M1AP: variants seen among roughly 807,000 people sequenced by gnomAD.
The protein encoded by M1AP is meiosis 1 arrest protein.
In M1AP, 39 loss-of-function variants were observed where a neutral mutation model predicts 51.2. The observed-to-expected ratio is 0.76, with a 90% CI of 0.59 to 1.00. The LOEUF is 1.00. Among genes scored for constraint, M1AP ranks in the 50% least tolerant of loss-of-function variants. The probability of loss-of-function intolerance (pLI) is 0.00; values close to 1 mark genes in which losing one functional copy is unlikely to be tolerated. For synonymous variants in M1AP, 251 were observed against 249.2 expected, an observed-to-expected ratio of 1.01 and a Z score of -0.07; for missense variants, 545 against 641.2, an observed-to-expected ratio of 0.85 and a Z score of 1.62.
chr2:74,569,909 C>CGTGT lies in M1AP; in HGVS notation c.1074+5525_1074+5528dup, dbSNP rs145070644. 9.6e-3 allele frequency among the ~76,000 whole-genome samples: 1,376 copies of CGTGT among 143,340 alleles called. 24 individuals are homozygous for CGTGT. Among genetic ancestry groups the CGTGT allele is most frequent in the East Asian group, 0.081 (401 of 4,930 alleles). 94.0% of individuals were successfully genotyped at this position (143,340 alleles called of 152,430 possible). On this transcript the variant is annotated intron_variant, in intron 7 of 10. Transcript: ENST00000421985. ...GTGTGTGTATGTGTGTGTGTGCATGCGTGTGTGTGTGTGTGTGTGTGTGTG... is the reference window on the plus strand; with the variant it reads ...GTGTGTGTATGTGTGTGTGTGCATGCGTGTGTGTGTGTGTGTGTGTGTGTGTGTG...
Position 74,620,885 on chromosome 2 carries a change from G to T in M1AP, c.241-5736C>A. Reference sequence around the variant, plus strand: ...TGCTTCTGAAGCCAGTCAGTGCCTTGAGAATCACTTCCGCGGCAACATGCT... The same window carrying T: ...TGCTTCTGAAGCCAGTCAGTGCCTTTAGAATCACTTCCGCGGCAACATGCT... On this transcript the variant is annotated intron_variant, in intron 2 of 10. Coordinates refer to ENST00000421985, the MANE Select transcript of M1AP (RefSeq NM_001321739.2). 1.7e-5 allele frequency: 3 copies of T among 177,530 alleles called. No homozygotes were observed. In the South Asian group the frequency reaches 4.0e-4, roughly 24 times the overall value. 11.0% of individuals were successfully genotyped at this position (177,530 alleles called of 1,614,324 possible). A position where few individuals can be genotyped will look rare whatever the true frequency, so the allele number is the denominator to read the frequency against.
At chr2:74,626,257 G>GTTTTTTT (rs1337799000) in intron 2 of M1AP, among the ~76,000 whole-genome samples, 2 of 125,930 alleles carry the variant, frequency 1.6e-5, no homozygotes, top group Non-Finnish European at 1.7e-5. Flanking sequence ...CTATATTTCA[G>GTTTTTTT]TTTTTTTTTT....
chr2:74,596,538 C>T (rs562892306), intron 4 of M1AP, among the ~76,000 whole-genome samples: 29 of 152,164 alleles, frequency 1.9e-4, no homozygotes, highest in African/African-American at 6.0e-4. Context: ...GCCGAGATCA[C>T]GCCACTGCAC....
intron 4 of M1AP, among the ~76,000 whole-genome samples, chr2:74,599,738 T>A (rs1423708830): frequency 6.6e-6 from 1 of 152,092 alleles, no homozygotes; most frequent in Admixed American, 6.5e-5. Flanking sequence ...ATACATATAT[T>A]CTAGAATATA....
intron 7 of M1AP, among the ~76,000 whole-genome samples, chr2:74,563,374 G>A (rs1678161939): frequency 6.6e-6 from 1 of 152,022 alleles, no homozygotes; most frequent in South Asian, 2.1e-4. Flanking sequence ...TGAGGCGGGT[G>A]GATCACCTGA....
At chr2:74,560,062 T>G in intron 9 of M1AP, 89 bp downstream of exon 9, 7 of 1,408,710 alleles carry the variant, frequency 5.0e-6, no homozygotes, top group Non-Finnish European at 6.8e-6. Flanking sequence ...GGGGCGGTGT[T>G]GGGATGGGGG....
At chr2:74,634,048 A>G (rs1682840825) in intron 2 of M1AP, among the ~76,000 whole-genome samples, 1 of 152,238 alleles carries the variant, frequency 6.6e-6, no homozygotes, top group Non-Finnish European at 1.5e-5. Context: ...AAAGATAACA[A>G]TAGATTTTAA....
intron 1 of M1AP, among the ~76,000 whole-genome samples, chr2:74,644,502 C>T (rs1015931649): frequency 5.3e-5 from 8 of 150,390 alleles, no homozygotes; most frequent in African/African-American, 2.0e-4. Context: ...CGCGCCATTG[C>T]ACTCCAGCCT....
At position 74,604,631 on chromosome 2, in the gene M1AP, G is replaced by C. The variant is rs80029362; in HGVS notation, c.595+2424C>G. Among the ~76,000 whole-genome samples the C allele has an allele frequency of 2.9e-3, 435 of 152,232 alleles. 1 individual carries two copies. The highest frequency in any genetic ancestry group is 9.8e-3 in the African/African-American group (407 of 41,528). Reference sequence around the variant, plus strand: ...CTGTGTGATCACCAGTTCCTAACAGGCCACAGATGGTACCAGTCCATGGCC... The same window carrying C: ...CTGTGTGATCACCAGTTCCTAACAGCCCACAGATGGTACCAGTCCATGGCC... On this transcript the variant is annotated intron_variant, in intron 4 of 10. Coordinates refer to ENST00000421985, the MANE Select transcript of M1AP (RefSeq NM_001321739.2).
At chr2:74,627,639 G>C (rs1682478453) in intron 2 of M1AP, among the ~76,000 whole-genome samples, 1 of 152,068 alleles carries the variant, frequency 6.6e-6, no homozygotes, top group African/African-American at 2.4e-5. Context: ...AAAATAAATA[G>C]AACAGCAGGA....
chr2:74,619,682 A>C (rs189777066), intron 2 of M1AP, among the ~76,000 whole-genome samples: 2 of 152,354 alleles, frequency 1.3e-5, no homozygotes, highest in East Asian at 3.9e-4. Context: ...AGATACATAA[A>C]TATTTATCAT....
intron 4 of M1AP, among the ~76,000 whole-genome samples, chr2:74,599,177 G>A (rs941831674): frequency 5.3e-5 from 8 of 152,034 alleles, no homozygotes; most frequent in Non-Finnish European, 1.2e-4. Context: ...TAGTTGGGAG[G>A]CTGAGGCATG....
intron 3 of M1AP, among the ~76,000 whole-genome samples, chr2:74,612,170 T>C (rs1437628761): frequency 2.0e-5 from 3 of 151,788 alleles, no homozygotes; most frequent in African/African-American, 7.3e-5. Context: ...GGATTACAGG[T>C]GTGAGCCACT....
At chr2:74,647,410 G>C (rs1683673308) in intron 1 of M1AP, 2 of 985,056 alleles carry the variant, frequency 2.0e-6, no homozygotes, top group Non-Finnish European at 2.4e-6. Flanking sequence ...TCTCCCTCTG[G>C]CAGGGCCCTA....
intron 3 of M1AP, among the ~76,000 whole-genome samples, chr2:74,609,742 T>C (rs1469581201): frequency 6.6e-6 from 1 of 152,244 alleles, no homozygotes; most frequent in Non-Finnish European, 1.5e-5. Context: ...ATCTTTTATA[T>C]AGTAGCCATT....
intron 2 of M1AP, among the ~76,000 whole-genome samples, chr2:74,626,009 A>G (rs535808737): frequency 9.3e-4 from 141 of 152,310 alleles, no homozygotes; most frequent in African/African-American, 3.3e-3. Context: ...ATCACTGGAG[A>G]GTAGCTTCCT....
At chr2:74,613,904 C>G (rs1681515091) in intron 3 of M1AP, among the ~76,000 whole-genome samples, 1 of 152,108 alleles carries the variant, frequency 6.6e-6, no homozygotes, top group East Asian at 1.9e-4. Context: ...TCTTCCTGCC[C>G]CAGCCTCTCA....
chr2:74,567,573 A>T (rs1268227233), intron 7 of M1AP, among the ~76,000 whole-genome samples: 1 of 152,258 alleles, frequency 6.6e-6, no homozygotes, highest in African/African-American at 2.4e-5. Flanking sequence ...TTATGGGGAT[A>T]AAATAAGTTA....
At chr2:74,585,439 G>A (rs363681) in intron 4 of M1AP, among the ~76,000 whole-genome samples, 13,000 of 152,182 alleles carry the variant, frequency 0.085, 1,574 homozygotes, top group African/African-American at 0.27. Context: ...CTGATCCTGC[G>A]AAGCTAAAGA....
Sources: gnomAD v4.1 joint callset for allele counts (sites outside exome capture counted in the v4.1 genomes callset) on GRCh38, gnomAD v4.1.1 for gene constraint, MANE v1.5 for transcripts, NCBI Gene and HGNC (gene_info 2026-07-23, HGNC 2026-07-21) for gene names.